Variants in KCNAB1 observed in about 807,000 individuals in gnomAD.
KCNAB1 encodes the protein potassium voltage-gated channel subfamily A regulatory beta subunit 1.
A neutral mutation model predicts 64.6 loss-of-function variants in KCNAB1; 35 were observed. The observed-to-expected ratio is 0.54, with a 90% CI of 0.41 to 0.72. KCNAB1 has a LOEUF of 0.72. KCNAB1 is among the 30% of genes least tolerant of loss of function. The probability of loss-of-function intolerance (pLI) is 0.00; values close to 1 mark genes in which losing one functional copy is unlikely to be tolerated. For synonymous variants in KCNAB1, 177 were observed against 183.8 expected (o/e 0.96, Z 0.30); for missense variants, 401 against 512.9 (o/e 0.78, Z 2.11).
chr3:156,310,852 G>C (rs1338972653), intron 1 of KCNAB1, among the ~76,000 whole-genome samples: 1 of 152,088 alleles, frequency 6.6e-6, no homozygotes, highest in Non-Finnish European at 1.5e-5. Flanking sequence ...ATCTCATAAA[G>C]GGTCCCACCT....
chr3:156,241,395 C>T (rs9865852), intron 1 of KCNAB1, among the ~76,000 whole-genome samples: 2,688 of 152,268 alleles, frequency 0.018, 24 homozygotes, highest in Non-Finnish European at 0.028. Flanking sequence ...CCTTGGAGGC[C>T]TCCATTATGC....
intron 1 of KCNAB1, among the ~76,000 whole-genome samples, chr3:156,295,252 G>A (rs1054954423): frequency 3.5e-4 from 54 of 152,246 alleles, no homozygotes; most frequent in African/African-American, 1.2e-3. Context: ...GTAATTGTGC[G>A]TATGTCTGCC....
At chr3:156,417,487 T>C (rs1715155224) in intron 1 of KCNAB1, among the ~76,000 whole-genome samples, 1 of 152,240 alleles carries the variant, frequency 6.6e-6, no homozygotes, top group Non-Finnish European at 1.5e-5. Flanking sequence ...CTTGGTCAAA[T>C]GCAAGGCACA....
chr3:156,197,376 C>T (rs766343069), intron 1 of KCNAB1, among the ~76,000 whole-genome samples: 1 of 152,050 alleles, frequency 6.6e-6, no homozygotes, highest in African/African-American at 2.4e-5. Context: ...GGTTTCAGAA[C>T]GAATGCTACC....
At chr3:156,391,585 G>A (rs1713047252) in intron 1 of KCNAB1, among the ~76,000 whole-genome samples, 1 of 152,160 alleles carries the variant, frequency 6.6e-6, no homozygotes, top group South Asian at 2.1e-4. Flanking sequence ...TTCTTCCTGG[G>A]TTTAATACCT....
At chr3:156,507,561 G>A (rs962588594) in intron 8 of KCNAB1, among the ~76,000 whole-genome samples, 1 of 152,210 alleles carries the variant, frequency 6.6e-6, no homozygotes, top group East Asian at 1.9e-4. Context: ...ATTCTCTGCA[G>A]CTCAGAATAT....
At chr3:156,183,679 G>A (rs1172826933) in intron 1 of KCNAB1, among the ~76,000 whole-genome samples, 2 of 152,182 alleles carry the variant, frequency 1.3e-5, no homozygotes, top group East Asian at 3.9e-4. Context: ...GGGGTTTGTA[G>A]TACAGAACCT....
intron 12 of KCNAB1, among the ~76,000 whole-genome samples, chr3:156,530,782 GGAACCAGAAACCTA>G (rs1393409848): frequency 2.6e-5 from 4 of 152,182 alleles, no homozygotes; most frequent in Non-Finnish European, 5.9e-5. Flanking sequence ...TGGGAACCAA[GGAACCAGAAACCTA>G]GAGTCTACAA....
chr3:156,461,792 A>G (rs2108295984), intron 5 of KCNAB1, among the ~76,000 whole-genome samples: 1 of 152,332 alleles, frequency 6.6e-6, no homozygotes, highest in Non-Finnish European at 1.5e-5. Context: ...TGCATTTTCC[A>G]CAAACTGCCT....
intron 1 of KCNAB1, among the ~76,000 whole-genome samples, chr3:156,213,962 A>G (rs1044531121): frequency 3.3e-5 from 5 of 152,094 alleles, no homozygotes; most frequent in African/African-American, 1.2e-4. Context: ...TGGAGATTGG[A>G]TTGATAATCA....
intron 3 of KCNAB1, 132 bp from the exon 4 acceptor site, chr3:156,457,321 C>T (rs1487505464): frequency 1.0e-5 from 14 of 1,385,134 alleles, no homozygotes; most frequent in Non-Finnish European, 1.3e-5. Flanking sequence ...TTTCCCTCTC[C>T]ACTAAAACTA....
At chr3:156,420,066 A>G (rs889834895) in intron 1 of KCNAB1, among the ~76,000 whole-genome samples, 2 of 152,354 alleles carry the variant, frequency 1.3e-5, no homozygotes, top group South Asian at 2.1e-4. Context: ...TTTATGCAAC[A>G]GTTTTCTTCC....
At chr3:156,157,968 C>T (rs1029705806) in intron 1 of KCNAB1, among the ~76,000 whole-genome samples, 1 of 151,792 alleles carries the variant, frequency 6.6e-6, no homozygotes, top group African/African-American at 2.4e-5. Context: ...TTGAGACCAT[C>T]TTGGCTAACA....
intron 1 of KCNAB1, among the ~76,000 whole-genome samples, chr3:156,358,464 G>T (rs901061566): frequency 1.3e-5 from 2 of 152,120 alleles, no homozygotes; most frequent in Admixed American, 6.5e-5. Context: ...CGCTCACCAG[G>T]TCTCCTCTCT....
chr3:156,396,615 G>C (rs975455271), intron 1 of KCNAB1, among the ~76,000 whole-genome samples: 7 of 152,166 alleles, frequency 4.6e-5, no homozygotes, highest in Non-Finnish European at 8.8e-5. Flanking sequence ...ACATCGTAGA[G>C]GGCTTAAATC....
At chr3:156,251,192 TA>T (rs1245858627) in intron 1 of KCNAB1, among the ~76,000 whole-genome samples, 1 of 152,222 alleles carries the variant, frequency 6.6e-6, no homozygotes, top group Non-Finnish European at 1.5e-5. Flanking sequence ...AATATACAAT[TA>T]AGTAGGCTTG....
intron 1 of KCNAB1, among the ~76,000 whole-genome samples, chr3:156,419,864 C>A (rs188249571): frequency 1.4e-3 from 211 of 152,318 alleles, no homozygotes; most frequent in Admixed American, 2.2e-3. Context: ...ATTCTCCCTA[C>A]AATATAGCAT....
chr3:156,285,008 A>G (rs1051863581), intron 1 of KCNAB1, among the ~76,000 whole-genome samples: 10 of 152,058 alleles, frequency 6.6e-5, no homozygotes, highest in Non-Finnish European at 1.3e-4. Flanking sequence ...ACTTTAACCA[A>G]TTTTTTTCTG....
At chr3:156,513,466 T>C (rs1036278019) in intron 8 of KCNAB1, among the ~76,000 whole-genome samples, 7 of 152,216 alleles carry the variant, frequency 4.6e-5, no homozygotes, top group Non-Finnish European at 8.8e-5. Context: ...CTGTGACCCT[T>C]TGAAACTGTC....
Sources: gnomAD v4.1 joint callset for allele counts (sites outside exome capture counted in the v4.1 genomes callset) on GRCh38, gnomAD v4.1.1 for gene constraint, MANE v1.5 for transcripts, NCBI Gene and HGNC (gene_info 2026-07-23, HGNC 2026-07-21) for gene names.